The following STAG1 variants were observed in gnomAD, a reference collection of about 807,000 sequenced individuals.
The protein encoded by STAG1 is STAG1 cohesin complex component, also known as cohesin subunit SA-1.
In STAG1, 26 loss-of-function variants were observed where a neutral mutation model predicts 170.9. That is an observed-to-expected ratio of 0.15 (90% CI 0.11 to 0.21). The LOEUF is 0.21. Among genes scored for constraint, STAG1 ranks in the 10% least tolerant of loss-of-function variants. The pLI is 1.00. For synonymous variants in STAG1, 514 were observed against 497.7 expected, an observed-to-expected ratio of 1.03 and a Z score of -0.44; for missense variants, 964 against 1,509.5, an observed-to-expected ratio of 0.64 and a Z score of 5.99.
chr3:136,368,181 T>C lies in STAG1; in HGVS notation c.2545+927A>G, dbSNP rs552537437. 3.3e-5 allele frequency among the ~76,000 whole-genome samples: 5 copies of C among 152,294 alleles called. No individual in the cohort carries two copies. The East Asian group carries it at 9.6e-4, about 29-fold the overall frequency. Reference sequence around the variant, plus strand: ...TAAATAAACATACTGTTTCACAGACTAGTATTTTCCAAAATGTTGTGAAAG... The same window carrying C: ...TAAATAAACATACTGTTTCACAGACCAGTATTTTCCAAAATGTTGTGAAAG... On this transcript the variant is annotated intron_variant, in intron 24 of 33. Transcript: ENST00000383202.
At chr3:136,587,937 T>A (rs1049739103) in intron 4 of STAG1, among the ~76,000 whole-genome samples, 1 of 152,132 alleles carries the variant, frequency 6.6e-6, no homozygotes, top group Admixed American at 6.5e-5. Context: ...CACTCCAGCC[T>A]GGGCAACAAG....
intron 3 of STAG1, chr3:136,609,287 T>A (rs545010308): frequency 6.6e-6 from 1 of 151,986 alleles, no homozygotes; most frequent in African/African-American, 2.4e-5. Flanking sequence ...CTGGGCAACA[T>A]GGCGAAACCC....
chr3:136,513,210 C>T (rs1346103392), intron 7 of STAG1, among the ~76,000 whole-genome samples: 1 of 151,888 alleles, frequency 6.6e-6, no homozygotes, highest in Non-Finnish European at 1.5e-5. Flanking sequence ...CAAAAATTAG[C>T]CAGGCATGGT....
At chr3:136,613,391 T>C (rs1939415240) in intron 3 of STAG1, among the ~76,000 whole-genome samples, 2 of 151,868 alleles carry the variant, frequency 1.3e-5, no homozygotes, top group Non-Finnish European at 2.9e-5. Flanking sequence ...ATTGTCAGAT[T>C]TTTAAATTTC....
intron 1 of STAG1, among the ~76,000 whole-genome samples, chr3:136,748,893 C>T (rs980697231): frequency 6.6e-6 from 1 of 151,826 alleles, no homozygotes; most frequent in Non-Finnish European, 1.5e-5. Context: ...AACTAAGGTA[C>T]CAGGAAACGG....
At chr3:136,642,170 C>T (rs996962035) in intron 1 of STAG1, among the ~76,000 whole-genome samples, 1 of 151,484 alleles carries the variant, frequency 6.6e-6, no homozygotes, top group Non-Finnish European at 1.5e-5. Context: ...ATTATAACTA[C>T]TCATTACAAA....
intron 1 of STAG1, among the ~76,000 whole-genome samples, chr3:136,673,768 T>G (rs1942044755): frequency 6.6e-6 from 1 of 152,098 alleles, no homozygotes; most frequent in African/African-American, 2.4e-5. Flanking sequence ...TGTGGAACAA[T>G]CTGAACATCA....
intron 2 of STAG1, among the ~76,000 whole-genome samples, chr3:136,627,899 C>G (rs1355185569): frequency 6.6e-6 from 1 of 152,276 alleles, no homozygotes; most frequent in Non-Finnish European, 1.5e-5. Context: ...CTGCAACATC[C>G]TTCTCCTGAC....
chr3:136,616,558 A>AT (rs1939606586), intron 3 of STAG1, among the ~76,000 whole-genome samples: 1 of 152,186 alleles, frequency 6.6e-6, no homozygotes, highest in Non-Finnish European at 1.5e-5. Flanking sequence ...CTCCAAAAAA[A>AT]TTTTTTATAG....
intron 1 of STAG1, among the ~76,000 whole-genome samples, chr3:136,746,826 G>A (rs970781241): frequency 6.6e-6 from 1 of 151,904 alleles, no homozygotes; most frequent in African/African-American, 2.4e-5. Flanking sequence ...GCCAGGCACA[G>A]TGCCTCAAGC....
In STAG1 at chr3:136,525,004, T is replaced by C. The variant is rs147404948; in HGVS notation, c.472-3587A>G. Among the ~76,000 whole-genome samples the C allele has an allele frequency of 2.5e-3, 379 of 152,312 alleles. 1 individual carries two copies. The highest frequency in any genetic ancestry group is 8.5e-3 in the African/African-American group (355 of 41,572). On this transcript the variant is annotated intron_variant, in intron 6 of 33. Transcript: ENST00000383202. ...CTGCCAGATTCAGTTTGCCGGTATT[T>C]TATTGAGGACTTTTGCATCGATGTT...
chr3:136,433,348 G>T (rs1348729559), intron 16 of STAG1, among the ~76,000 whole-genome samples: 3 of 151,986 alleles, frequency 2.0e-5, no homozygotes, highest in Non-Finnish European at 2.9e-5. Context: ...AACAGAAGCA[G>T]GTACAGGTGC....
At position 136,452,091 on chromosome 3, in the gene STAG1, C is replaced by A; in HGVS notation, c.1370G>T (p.Arg457Ile). ...AEEALAKRRG[R>I]NSPNGNLIRM... ...AATGAGGTTTCCATTCGGGCTGTTTCTTCCCCTCCTCTTTGCTAATGCTTC... is the reference window on the plus strand; with the variant it reads ...AATGAGGTTTCCATTCGGGCTGTTTATTCCCCTCCTCTTTGCTAATGCTTC... The change falls in exon 14 of 34, where the codon AGA becomes ATA. Residue 457 changes from arginine to isoleucine, a missense_variant. By Grantham distance (97) the Arg-to-Ile change is moderately conservative. Around this residue, in one of 11 missense-constraint regions of STAG1, gnomAD observed 162 missense variants for 211.2 expected, o/e 0.77. Transcript: ENST00000383202. 1 of 1,613,626 alleles carries A rather than the reference C, an allele frequency of 6.2e-7. No homozygotes were observed. The highest frequency in any genetic ancestry group is 8.5e-7 in the Non-Finnish European group (1 of 1,179,888).
At chr3:136,558,996 G>C (rs1936732546) in intron 5 of STAG1, among the ~76,000 whole-genome samples, 1 of 152,162 alleles carries the variant, frequency 6.6e-6, no homozygotes, top group African/African-American at 2.4e-5. Flanking sequence ...GTTACAACTG[G>C]AGGAGAGGGA....
At chr3:136,638,274 C>T (rs1355857241) in intron 1 of STAG1, among the ~76,000 whole-genome samples, 1 of 151,980 alleles carries the variant, frequency 6.6e-6, no homozygotes, top group Non-Finnish European at 1.5e-5. Context: ...GCTGGGATTA[C>T]AATTACCCAC....
chr3:136,602,150 G>A (rs768960996), intron 4 of STAG1, among the ~76,000 whole-genome samples: 1 of 152,038 alleles, frequency 6.6e-6, no homozygotes, highest in Non-Finnish European at 1.5e-5. Context: ...GGAGGCCGAG[G>A]TGGGCGGATC....
chr3:136,419,114 T>C (rs1050032108), intron 20 of STAG1, among the ~76,000 whole-genome samples: 6 of 152,172 alleles, frequency 3.9e-5, no homozygotes, highest in Admixed American at 6.5e-5. Context: ...TGAGGACTTA[T>C]GAATGTGATA....
At chr3:136,536,574 G>A (rs746759410) in intron 6 of STAG1, among the ~76,000 whole-genome samples, 1 of 151,776 alleles carries the variant, frequency 6.6e-6, no homozygotes, top group Non-Finnish European at 1.5e-5. Flanking sequence ...GGTGGTGTGC[G>A]CCTGTAGTCC....
chr3:136,633,463 G>T (rs910983941), intron 1 of STAG1, among the ~76,000 whole-genome samples: 1 of 152,128 alleles, frequency 6.6e-6, no homozygotes, highest in Non-Finnish European at 1.5e-5. Context: ...CACTTTGGAG[G>T]CTGAGGCAGG....
Sources: allele counts gnomAD v4.1 joint callset (sites outside exome capture counted in the v4.1 genomes callset), GRCh38; gene constraint gnomAD v4.1.1; regional missense constraint gnomAD v4.1.1; transcripts MANE v1.5; gene names NCBI Gene and HGNC (gene_info 2026-07-23, HGNC 2026-07-21).